SLC8A1: variants seen among roughly 807,000 people sequenced by gnomAD.
SLC8A1 encodes solute carrier family 8 member A1.
SLC8A1 carries 18 observed loss-of-function variants against 68.3 expected under a neutral mutation model. The ratio of observed to expected loss-of-function variants is 0.26; its 90% CI spans 0.18 to 0.39. The LOEUF (loss-of-function observed/expected upper bound fraction) is 0.39. Among genes scored for constraint, SLC8A1 ranks in the 10% least tolerant of loss-of-function variants. SLC8A1 has a pLI of 1.00. For synonymous variants in SLC8A1, 475 were observed against 415.5 expected (o/e 1.14, Z -1.74); for missense variants, 985 against 1,156.7 (o/e 0.85, Z 2.15).
chr2:40,200,224 T>TAAA (rs1558722544), intron 2 of SLC8A1, among the ~76,000 whole-genome samples: 18 of 4,538 alleles, frequency 4.0e-3, no homozygotes, highest in African/African-American at 5.3e-3. Flanking sequence ...ATATATTTTT[T>TAAA]TATATATATA....
intron 1 of SLC8A1, among the ~76,000 whole-genome samples, chr2:40,472,871 A>T (rs1372998001): frequency 6.6e-6 from 1 of 152,222 alleles, no homozygotes; most frequent in Non-Finnish European, 1.5e-5. Context: ...ACAATGATGA[A>T]GTAGAATATA....
intron 2 of SLC8A1, among the ~76,000 whole-genome samples, chr2:40,320,806 G>C (rs1180411696): frequency 6.6e-6 from 1 of 152,042 alleles, no homozygotes; most frequent in Non-Finnish European, 1.5e-5. Context: ...CTCTTTAATG[G>C]AAATGCATTA....
chr2:40,412,429 T>C (rs1692439876), intron 2 of SLC8A1, among the ~76,000 whole-genome samples: 2 of 152,162 alleles, frequency 1.3e-5, no homozygotes. Context: ...TATTAGGCAC[T>C]GGATTAAAAG....
intron 2 of SLC8A1, among the ~76,000 whole-genome samples, chr2:40,342,386 T>C (rs1667975016): frequency 6.6e-6 from 1 of 152,182 alleles, no homozygotes; most frequent in African/African-American, 2.4e-5. Context: ...TTTTTAATGT[T>C]TTAAAAACTA....
At chr2:40,335,176 T>C (rs1206212972) in intron 2 of SLC8A1, among the ~76,000 whole-genome samples, 1 of 152,214 alleles carries the variant, frequency 6.6e-6, no homozygotes, top group African/African-American at 2.4e-5. Flanking sequence ...CCGTATATTA[T>C]TTTCCTACAA....
chr2:40,408,241 C>T (rs1032049374), intron 2 of SLC8A1, among the ~76,000 whole-genome samples: 3 of 152,130 alleles, frequency 2.0e-5, no homozygotes, highest in East Asian at 1.9e-4. Context: ...GAACCAGATA[C>T]GCCTGATCTA....
intron 2 of SLC8A1, among the ~76,000 whole-genome samples, chr2:40,201,894 C>G (rs79137737): frequency 0.023 from 3,493 of 152,046 alleles, 143 homozygotes; most frequent in African/African-American, 0.079. Context: ...TCAGAGCATT[C>G]TCTAGCTGGC....
At chr2:40,116,428 G>T (rs1261461834) in intron 7 of SLC8A1, among the ~76,000 whole-genome samples, 1 of 152,072 alleles carries the variant, frequency 6.6e-6, no homozygotes, top group Non-Finnish European at 1.5e-5. Flanking sequence ...TCGTCATCTA[G>T]CATTAGGTAT....
rs561852682 is a variant in SLC8A1, at chr2:40,301,037, A to G, written c.1809-123182T>C. Among the ~76,000 whole-genome samples, 10 of 152,234 alleles carry G rather than the reference A, an allele frequency of 6.6e-5. No homozygotes were observed. In the South Asian group the frequency reaches 1.9e-3, roughly 28 times the overall value. ...TTGATCCCTACAATTTTTTGGATAT[A>G]GAGGAAGAAAAACGTTCAAGGAAGT... is the stretch of plus-strand genomic sequence containing the variant. On this transcript the variant is annotated intron_variant, in intron 2 of 7. Transcript: ENST00000406785.
chr2:40,121,489 T>A (rs933761661), intron 7 of SLC8A1, among the ~76,000 whole-genome samples: 4 of 152,198 alleles, frequency 2.6e-5, no homozygotes, highest in Admixed American at 1.3e-4. Context: ...TGGGGGCTGC[T>A]TAATTGTAGC....
intron 2 of SLC8A1, among the ~76,000 whole-genome samples, chr2:40,358,866 A>G (rs1025260987): frequency 1.3e-5 from 2 of 152,198 alleles, no homozygotes; most frequent in African/African-American, 2.4e-5. Context: ...ATATGCTTCT[A>G]CAAGACTGAA....
At chr2:40,223,520 A>T (rs2058609430) in intron 2 of SLC8A1, 2 of 152,158 alleles carry the variant, frequency 1.3e-5, no homozygotes, top group African/African-American at 2.4e-5. Flanking sequence ...TATATATTAA[A>T]AAAAAGTCTG....
intron 2 of SLC8A1, among the ~76,000 whole-genome samples, chr2:40,243,365 G>A (rs1355224481): frequency 6.6e-6 from 1 of 152,032 alleles, no homozygotes; most frequent in East Asian, 1.9e-4. Context: ...AGTGTCTGCG[G>A]TCCCACCTAC....
intron 2 of SLC8A1, among the ~76,000 whole-genome samples, chr2:40,190,291 A>G (rs896930170): frequency 1.3e-5 from 2 of 152,156 alleles, no homozygotes; most frequent in African/African-American, 2.4e-5. Context: ...TCAATCCTTA[A>G]TCACAGAAAT....
Position 40,486,935 on chromosome 2 carries a change from G to T in SLC8A1, c.-25+25414C>A, listed in dbSNP as rs373542208. ...AAACCATCACTCTGAGCAAACTATT[G>T]CAAGGACAGAAAATCAAACACTGCA... is the stretch of plus-strand genomic sequence containing the variant. On this transcript the variant is annotated intron_variant, in intron 1 of 7. Coordinates refer to the SLC8A1 transcript ENST00000402441. Among the ~76,000 whole-genome samples the T allele has an allele frequency of 8.6e-4, 117 of 136,820 alleles. 1 individual carries two copies. The highest frequency in any genetic ancestry group is 2.0e-3 in the East Asian group (9 of 4,596). The allele number at this position is 136,820 out of a possible 152,430, so 89.8% of individuals were successfully genotyped here.
At chr2:40,145,428 A>C (rs1286390242) in intron 6 of SLC8A1, among the ~76,000 whole-genome samples, 1 of 152,110 alleles carries the variant, frequency 6.6e-6, no homozygotes, top group Non-Finnish European at 1.5e-5. Flanking sequence ...GAATCATCAC[A>C]AGTCTGTATG....
At chr2:40,304,025 G>C (rs1286143559) in intron 2 of SLC8A1, among the ~76,000 whole-genome samples, 3 of 152,324 alleles carry the variant, frequency 2.0e-5, no homozygotes, top group South Asian at 4.1e-4. Flanking sequence ...TAAGCTGGAG[G>C]TCAACATCTC....
At chr2:40,366,307 G>A (rs1324987341) in intron 2 of SLC8A1, among the ~76,000 whole-genome samples, 1 of 151,994 alleles carries the variant, frequency 6.6e-6, no homozygotes, top group Admixed American at 6.6e-5. Context: ...GCTGACACAT[G>A]GTAGTCACAA....
intron 4 of SLC8A1, among the ~76,000 whole-genome samples, chr2:40,166,738 A>G (rs2046611407): frequency 6.6e-6 from 1 of 152,188 alleles, no homozygotes; most frequent in African/African-American, 2.4e-5. Flanking sequence ...GTTGATTACC[A>G]CTGCTTTGTG....
Sources: allele counts gnomAD v4.1 joint callset (sites outside exome capture counted in the v4.1 genomes callset), GRCh38; gene constraint gnomAD v4.1.1; transcripts MANE v1.5; gene names NCBI Gene and HGNC (gene_info 2026-07-23, HGNC 2026-07-21).